Variants in HECTD4 observed in about 807,000 individuals in gnomAD.
HECTD4 encodes HECT domain E3 ubiquitin protein ligase 4.
Under a neutral mutation model 471.5 loss-of-function variants are expected in HECTD4, and 114 were observed. The ratio of observed to expected loss-of-function variants is 0.24; its 90% CI spans 0.21 to 0.28. The LOEUF is 0.28. Among genes scored for constraint, HECTD4 ranks in the 10% least tolerant of loss-of-function variants. HECTD4 has a pLI of 1.00. For synonymous variants in HECTD4, 2,012 were observed against 2,256.0 expected (o/e 0.89, Z 3.07); for missense variants, 3,866 against 5,651.5 (o/e 0.68, Z 10.13).
At position 112,200,778 on chromosome 12, in the gene HECTD4, T is replaced by C. The variant is rs768988691; in HGVS notation, c.8427A>G (p.Val2809=). 4.0e-5 allele frequency: 64 copies of C among 1,612,764 alleles called. No homozygotes were observed. The highest frequency in any genetic ancestry group is 1.2e-4 in the Admixed American group (7 of 59,728). Residue 2809 remains valine (V), a synonymous_variant, in exon 55 of 76, where the codon GTA becomes GTG. Coordinates refer to ENST00000682272, the MANE Select transcript of HECTD4 (RefSeq NM_001388303.1). ...DVDSVNELVQ[V]ETYLRSEGVL... is the part of the protein sequence containing the mutation. ...CACCTTCACTGCGGAGGTACGTTTC[T>C]ACCTGCACCAGTTCATTCACCTACA... is the stretch of plus-strand genomic sequence containing the variant.
chr12:112,302,989 T>G (rs891469389), intron 7 of HECTD4, among the ~76,000 whole-genome samples: 9 of 150,940 alleles, frequency 6.0e-5, no homozygotes, highest in Non-Finnish European at 1.2e-4. Flanking sequence ...TTTTTTTTTT[T>G]TTTTTTTTTT....
At chr12:112,373,595 T>A (rs1422594867) in intron 1 of HECTD4, among the ~76,000 whole-genome samples, 1 of 152,056 alleles carries the variant, frequency 6.6e-6, no homozygotes, top group African/African-American at 2.4e-5. Flanking sequence ...TTTGTGAGGA[T>A]CAAATAAAAT....
At chr12:112,340,638 C>T (rs2036038428) in intron 1 of HECTD4, among the ~76,000 whole-genome samples, 1 of 152,148 alleles carries the variant, frequency 6.6e-6, no homozygotes, top group South Asian at 2.1e-4. Context: ...GTCAATAGTA[C>T]TGAGGATGAG....
At position 112,243,659 on chromosome 12, in the gene HECTD4, C is replaced by T. The variant is rs1247773229; in HGVS notation, c.4752G>A (p.Gly1584=). The change falls in exon 31 of 76, where the codon GGG becomes GGA. Residue 1584 remains glycine, a synonymous_variant. Transcript: ENST00000682272. This position sits in a 1 kb window ranked among gnomAD's most constrained non-coding sequence, Gnocchi z 6.6. The part of the protein sequence containing the change: ...RDKPTYSVLL[G]QLFAFIGTNP... Reference sequence around the variant, plus strand: ...TGGTGCCGATGAAAGCAAACAGCTGCCCTAGCAGGACACTGTAGGTGGGCT... The same window carrying T: ...TGGTGCCGATGAAAGCAAACAGCTGTCCTAGCAGGACACTGTAGGTGGGCT... 3.1e-6 allele frequency: 5 copies of T among 1,612,830 alleles called. No individual in the cohort carries two copies. Among genetic ancestry groups the T allele is most frequent in the African/African-American group, 1.3e-5 (1 of 75,036 alleles).
At chr12:112,355,274 G>A (rs116494802) in intron 1 of HECTD4, among the ~76,000 whole-genome samples, 2,128 of 119,876 alleles carry the variant, frequency 0.018, 56 homozygotes, top group African/African-American at 0.062. Context: ...CGCGCCGGGC[G>A]CCAAATGGGA....
At position 112,235,334 on chromosome 12, in the gene HECTD4, A is replaced by G; in HGVS notation, c.5726-68T>C. ...TGTTTTGGCGGCTCTGCTAAAATGA[A>G]AAATAATGGTTTGGGATTTGGAATC... On this transcript the variant is annotated intron_variant, in intron 36 of 75. Transcript: ENST00000682272. The surrounding 1 kb of genome is among the most constrained non-coding windows in gnomAD (Gnocchi z 5.0). 1.3e-6 allele frequency: 2 copies of G among 1,535,872 alleles called. No homozygotes were observed. Among genetic ancestry groups the G allele is most frequent in the Non-Finnish European group, 1.8e-6 (2 of 1,135,046 alleles).
Position 112,184,966 on chromosome 12 carries a change from C to T in HECTD4, c.10000G>A (p.Val3334Met), listed in dbSNP as rs762356549. ...SSGKRQSSRT[V>M]DSDPTVLSIG... The stretch of plus-strand genomic sequence containing the variant: ...CTGAGCACGGTGGGGTCCGAGTCCA[C>T]GGTGCGGGAAGACTGGCGCTTGCCC... Residue 3334 changes from valine to methionine, a missense_variant, in exon 61 of 76, where the codon GTG becomes ATG. Physicochemically the swap from Val to Met is conservative, Grantham distance 21. Transcript: ENST00000682272. This position sits in a 1 kb window ranked among gnomAD's most constrained non-coding sequence, Gnocchi z 9.1. The T allele has an allele frequency of 1.2e-6, 2 of 1,613,456 alleles. No homozygotes were observed. The highest frequency in any genetic ancestry group is 1.7e-6 in the Non-Finnish European group (2 of 1,179,758).
chr12:112,319,088 G>T lies in HECTD4; in HGVS notation c.695+137C>A. The T allele has an allele frequency of 1.0e-6, 1 of 962,254 alleles. No individual in the cohort carries two copies. Among genetic ancestry groups the T allele is most frequent in the Non-Finnish European group, 1.5e-6 (1 of 665,244 alleles). The allele number at this position is 962,254 out of a possible 1,614,324, so 59.6% of individuals were successfully genotyped here. ...GCATCTCATGCACTGTCAAGGCTGT[G>T]AAATTCAATACTGAAAGCAAAGAAG... is the stretch of plus-strand genomic sequence containing the variant. On this transcript the variant is annotated intron_variant, in intron 2 of 75. Transcript: ENST00000682272. This position sits in a 1 kb window ranked among gnomAD's most constrained non-coding sequence, Gnocchi z 5.3.
intron 9 of HECTD4, among the ~76,000 whole-genome samples, chr12:112,276,710 C>A (rs2034534943): frequency 6.6e-6 from 1 of 152,196 alleles, no homozygotes; most frequent in African/African-American, 2.4e-5. Context: ...CTCCCAAGTG[C>A]TGGGATTACA....
At chr12:112,380,184 C>T (rs1045904443) in intron 1 of HECTD4, among the ~76,000 whole-genome samples, 2 of 152,182 alleles carry the variant, frequency 1.3e-5, no homozygotes, top group Non-Finnish European at 2.9e-5. Flanking sequence ...GTGGCTCACG[C>T]CTGTAATCTC....
Position 112,184,936 on chromosome 12 carries a change from C to T in HECTD4, c.10030G>A (p.Gly3344Arg), listed in dbSNP as rs781033096. ...VDSDPTVLSI[G>R]GSKPEDMLWF... ...AGCATGTCCTCGGGCTTGCTGCCTC[C>T]GATGCTGAGCACGGTGGGGTCCGAG... Residue 3344 changes from glycine (G) to arginine (R), a missense_variant, in exon 61 of 76, where the codon GGA (glycine) becomes AGA (arginine). Gly to Arg is a moderately radical substitution (Grantham distance 125, BLOSUM62 -2). Around this residue, in one of 16 missense-constraint regions of HECTD4, gnomAD observed 57 missense variants for 49.8 expected, o/e 1.14. Coordinates refer to ENST00000682272, the MANE Select transcript of HECTD4 (RefSeq NM_001388303.1). This position sits in a 1 kb window ranked among gnomAD's most constrained non-coding sequence, Gnocchi z 9.1. The T allele has an allele frequency of 6.8e-6, 11 of 1,613,702 alleles. No homozygotes were observed. The highest frequency in any genetic ancestry group is 1.3e-5 in the African/African-American group (1 of 74,936).
chr12:112,188,161 C>G lies in HECTD4; in HGVS notation c.9472+2625G>C, dbSNP rs1234075730. On this transcript the variant is annotated intron_variant, in intron 60 of 75. Transcript: ENST00000682272. The surrounding 1 kb of genome is among the most constrained non-coding windows in gnomAD (Gnocchi z 4.2). ...AAAATTAGCTGGGCATGGTAGCGGGCGCCTGTATTCCCAACTACTCAGGAG... is the reference window on the plus strand; with the variant it reads ...AAAATTAGCTGGGCATGGTAGCGGGGGCCTGTATTCCCAACTACTCAGGAG... 6.6e-6 allele frequency among the ~76,000 whole-genome samples: 1 copy of G among 151,946 alleles called. No individual in the cohort carries two copies. Among genetic ancestry groups the G allele is most frequent in the African/African-American group, 2.4e-5 (1 of 41,372 alleles).
rs879029625 is a variant in HECTD4, at chr12:112,162,210, G to A, written c.*177C>T. On this transcript the variant is annotated 3_prime_UTR_variant, in exon 76 of 76. Coordinates refer to ENST00000682272, the MANE Select transcript of HECTD4 (RefSeq NM_001388303.1). The surrounding 1 kb of genome is among the most constrained non-coding windows in gnomAD (Gnocchi z 5.2). ...CAAAAGAACCAACCCATCACGAAAC[G>A]TACAAAGACAAAAGGTTAAGTCTTC... The A allele has an allele frequency of 5.8e-5, 37 of 641,614 alleles. 1 individual carries two copies. The South Asian group carries it at 6.8e-4, about 12-fold the overall frequency. 39.7% of individuals were successfully genotyped at this position (641,614 alleles called of 1,614,324 possible).
intron 9 of HECTD4, among the ~76,000 whole-genome samples, chr12:112,278,438 T>C (rs1421868311): frequency 6.6e-6 from 1 of 152,236 alleles, no homozygotes; most frequent in African/African-American, 2.4e-5. Flanking sequence ...GAAGCCAAAA[T>C]TACACTGCTT....
chr12:112,215,332 A>ACC (rs1292273621), intron 48 of HECTD4, among the ~76,000 whole-genome samples: 1 of 152,328 alleles, frequency 6.6e-6, no homozygotes, highest in African/African-American at 2.4e-5. Context: ...CAGATTGTTT[A>ACC]CTATGTATCT....
At chr12:112,192,093 G>T (rs1349672935) in intron 59 of HECTD4, among the ~76,000 whole-genome samples, 1 of 152,160 alleles carries the variant, frequency 6.6e-6, no homozygotes, top group South Asian at 2.1e-4. Context: ...AACGATGGAG[G>T]CTTCAAAAAA....
chr12:112,236,588 G>A (rs1317067018), intron 35 of HECTD4, among the ~76,000 whole-genome samples: 1 of 152,164 alleles, frequency 6.6e-6, no homozygotes, highest in Non-Finnish European at 1.5e-5. Flanking sequence ...GAGAAAGTGA[G>A]TTAATTACAG....
intron 7 of HECTD4, among the ~76,000 whole-genome samples, chr12:112,291,622 C>G (rs2135658644): frequency 6.6e-6 from 1 of 152,116 alleles, no homozygotes; most frequent in East Asian, 1.9e-4. Context: ...TTTGTAATCC[C>G]AGCACTTTGG....
At chr12:112,208,653 C>T (rs1391998591) in intron 50 of HECTD4, 23 bp from the exon 51 acceptor site, 4 of 1,517,670 alleles carry the variant, frequency 2.6e-6, no homozygotes, top group East Asian at 4.7e-5. Context: ...ACAAGGACAG[C>T]GAATTCTAAA....
Sources: gnomAD v4.1 joint callset for allele counts (sites outside exome capture counted in the v4.1 genomes callset) on GRCh38, gnomAD v4.1.1 for gene constraint, gnomAD v4.1.1 regional missense constraint, Gnocchi (gnomAD v3.1) non-coding constraint, MANE v1.5 for transcripts, NCBI Gene and HGNC (gene_info 2026-07-23, HGNC 2026-07-21) for gene names.